TRIM67: variants seen among roughly 807,000 people sequenced by gnomAD.
The protein encoded by TRIM67 is tripartite motif-containing protein 67.
In TRIM67, 39 loss-of-function variants were observed where a neutral mutation model predicts 71.0. The ratio of observed to expected loss-of-function variants is 0.55; its 90% confidence interval spans 0.43 to 0.72. The LOEUF (loss-of-function observed/expected upper bound fraction) is 0.72. TRIM67 is among the 30% of genes least tolerant of loss of function. The probability of loss-of-function intolerance (pLI) is 0.00; values close to 1 mark genes in which losing one functional copy is unlikely to be tolerated. For missense variants in TRIM67, 973 were observed against 1,079.2 expected (o/e 0.90, Z 1.38); for synonymous variants, 481 against 473.9 (o/e 1.01, Z -0.19).
chr1:231,204,048 G>A, intron 6 of TRIM67, 36 bp downstream of exon 6: 2 of 1,610,664 alleles, frequency 1.2e-6, no homozygotes, highest in East Asian at 2.2e-5. Flanking sequence ...GGGATTGAGG[G>A]TACCAATGCA....
intron 1 of TRIM67, among the ~76,000 whole-genome samples, chr1:231,193,071 G>A (rs115635004): frequency 6.6e-6 from 1 of 152,188 alleles, no homozygotes; most frequent in African/African-American, 2.4e-5. Flanking sequence ...CTGGGCAGAT[G>A]GTGCGTGACC....
At position 231,217,841 on chromosome 1, in the gene TRIM67, G is replaced by A. The variant is rs1457491744; in HGVS notation, c.*2401G>A. 7.8e-7 allele frequency: 1 copy of A among 1,289,726 alleles called. No homozygotes were observed. The highest frequency in any genetic ancestry group is 1.5e-5 in the African/African-American group (1 of 65,990). 79.9% of individuals were successfully genotyped at this position (1,289,726 alleles called of 1,614,324 possible). A position where few individuals can be genotyped will look rare whatever the true frequency, so the allele number is the denominator to read the frequency against. ...CCAGGTCAGGAGAGAAGTGGAAAGT[G>A]CAGGAGGGTAATGCCCTCAAATCCG... is the stretch of plus-strand genomic sequence containing the variant. On this transcript the variant is annotated 3_prime_UTR_variant, in exon 10 of 10. Coordinates refer to ENST00000366653, the MANE Select transcript of TRIM67 (RefSeq NM_001004342.5).
At chr1:231,203,152 T>TA (rs3215760) in intron 5 of TRIM67, among the ~76,000 whole-genome samples, 11,294 of 150,876 alleles carry the variant, frequency 0.075, 649 homozygotes, top group East Asian at 0.23. Context: ...CCCTTAAAAA[T>TA]AAAAAAAAAG....
chr1:231,207,001 C>A (rs970748255), intron 7 of TRIM67, among the ~76,000 whole-genome samples: 2 of 152,262 alleles, frequency 1.3e-5, no homozygotes, highest in South Asian at 4.2e-4. Context: ...CATTTCATCC[C>A]GTGGACCAGG....
intron 1 of TRIM67, among the ~76,000 whole-genome samples, chr1:231,165,355 G>GA (rs1323622272): frequency 1.3e-5 from 2 of 152,200 alleles, no homozygotes; most frequent in Admixed American, 6.5e-5. Context: ...AAACCCATTG[G>GA]AAAAAAATAC....
intron 1 of TRIM67, among the ~76,000 whole-genome samples, chr1:231,164,304 A>G (rs1404246293): frequency 6.6e-6 from 1 of 152,210 alleles, no homozygotes; most frequent in East Asian, 1.9e-4. Flanking sequence ...CAAAACGCAG[A>G]CACAGGGCTC....
chr1:231,163,230 C>A lies in TRIM67; in HGVS notation c.261C>A (p.Gly87=). 1 of 1,495,716 alleles carries A rather than the reference C, an allele frequency of 6.7e-7. No homozygotes were observed. The highest frequency in any genetic ancestry group is 8.9e-7 in the Non-Finnish European group (1 of 1,122,826). 92.7% of individuals were successfully genotyped at this position (1,495,716 alleles called of 1,614,324 possible). A position where few individuals can be genotyped will look rare whatever the true frequency, so the allele number is the denominator to read the frequency against. ...CGGAGGSAAG[G]LGGGAGGGGD... is the part of the protein sequence containing the mutation. ...GTGCAGGCGGGAGTGCAGCTGGCGG[C>A]CTCGGCGGCGGTGCGGGAGGTGGCG... Residue 87 remains glycine, a synonymous_variant, in exon 1 of 10, where the codon GGC becomes GGA. Transcript: ENST00000366653.
chr1:231,216,744 C>T lies in TRIM67; in HGVS notation c.*1304C>T. 1.0e-6 allele frequency: 1 copy of T among 985,450 alleles called. No homozygotes were observed. The highest frequency in any genetic ancestry group is 1.2e-6 in the Non-Finnish European group (1 of 829,946). The allele number at this position is 985,450 out of a possible 1,614,324, so 61.0% of individuals were successfully genotyped here. Reference sequence around the variant, plus strand: ...TGCCAGGGCAGGACTCTGGAAACACCAGGCTTCTCCCTTGAGATCCACATT... The same window carrying T: ...TGCCAGGGCAGGACTCTGGAAACACTAGGCTTCTCCCTTGAGATCCACATT... On this transcript the variant is annotated 3_prime_UTR_variant, in exon 10 of 10. Transcript: ENST00000366653.
Position 231,163,502 on chromosome 1 carries a change from G to T in TRIM67, c.533G>T (p.Arg178Leu). Reference protein sequence around the residue: ...LDHRGLRGFQRNRLLEAIVQR... With the variant: ...LDHRGLRGFQLNRLLEAIVQR... ...CACCGCGGCCTGCGCGGCTTCCAGCGCAACCGGCTGCTCGAGGCCATCGTG... is the reference window on the plus strand; with the variant it reads ...CACCGCGGCCTGCGCGGCTTCCAGCTCAACCGGCTGCTCGAGGCCATCGTG... The change falls in exon 1 of 10, where the codon CGC (arginine) becomes CTC (leucine). Residue 178 changes from arginine (R) to leucine (L), a missense_variant. By Grantham distance (102) the Arg-to-Leu change is moderately radical. Coordinates refer to ENST00000366653, the MANE Select transcript of TRIM67 (RefSeq NM_001004342.5). The T allele has an allele frequency of 6.6e-7, 1 of 1,518,840 alleles. No individual in the cohort carries two copies. The highest frequency in any genetic ancestry group is 1.8e-4 in the Middle Eastern group (1 of 5,530). The allele number at this position is 1,518,840 out of a possible 1,614,324, so 94.1% of individuals were successfully genotyped here. A position where few individuals can be genotyped will look rare whatever the true frequency, so the allele number is the denominator to read the frequency against.
chr1:231,179,288 T>C (rs1423907012), intron 1 of TRIM67, among the ~76,000 whole-genome samples: 4 of 152,260 alleles, frequency 2.6e-5, no homozygotes, highest in Admixed American at 6.5e-5. Flanking sequence ...CATGCATGTA[T>C]GTGTTCAAAT....
Position 231,215,642 on chromosome 1 carries a change from AG to A in TRIM67, c.*203del. On this transcript the variant is annotated 3_prime_UTR_variant, in exon 10 of 10. Coordinates refer to ENST00000366653, the MANE Select transcript of TRIM67 (RefSeq NM_001004342.5). ...GGCCATGCTCACAGCTGCCACTGTC[AG>A]TGGCAAAGGAAGGTACGTGTGTCAC... 7.5e-7 allele frequency: 1 copy of A among 1,340,956 alleles called. No homozygotes were observed. The highest frequency in any genetic ancestry group is 9.6e-7 in the Non-Finnish European group (1 of 1,044,482). The allele number at this position is 1,340,956 out of a possible 1,614,324, so 83.1% of individuals were successfully genotyped here. A position where few individuals can be genotyped will look rare whatever the true frequency, so the allele number is the denominator to read the frequency against.
At chr1:231,178,041 A>G (rs1279431493) in intron 1 of TRIM67, among the ~76,000 whole-genome samples, 1 of 152,210 alleles carries the variant, frequency 6.6e-6, no homozygotes, top group Non-Finnish European at 1.5e-5. Context: ...GGAAAATGAG[A>G]AGAGGAGGAA....
intron 5 of TRIM67, among the ~76,000 whole-genome samples, chr1:231,202,251 AGAAGGAGGAGGTGGTGGC>A: frequency 6.6e-4 from 2 of 3,022 alleles, no homozygotes; most frequent in African/African-American, 1.0e-3. Context: ...GGGGTAGTGG[AGAAGGAGGAGGTGGTGGC>A]GGAGGAGGAG....
In TRIM67 at chr1:231,214,879, C is replaced by T. The variant is rs371449978; in HGVS notation, c.2287-496C>T. ...CTTTGGGAGGCCATGGCAGGAGAATCGCTTGAGCCCAGAAGTTTGAGACCA... is the reference window on the plus strand; with the variant it reads ...CTTTGGGAGGCCATGGCAGGAGAATTGCTTGAGCCCAGAAGTTTGAGACCA... On this transcript the variant is annotated intron_variant, in intron 9 of 9. Transcript: ENST00000366653. Among the ~76,000 whole-genome samples, 54 of 151,948 alleles carry T rather than the reference C, an allele frequency of 3.6e-4. 1 individual carries two copies. In the East Asian group the frequency reaches 5.8e-3, roughly 16 times the overall value.
At chr1:231,206,627 G>GGT in intron 6 of TRIM67, 25 bp from the exon 7 acceptor site, 1 of 1,545,816 alleles carries the variant, frequency 6.5e-7, no homozygotes, top group Non-Finnish European at 8.7e-7. Flanking sequence ...AGAGGAGCCT[G>GGT]GTGAGCAGCA....
At position 231,162,811 on chromosome 1, in the gene TRIM67, G is replaced by C; in HGVS notation, c.-159G>C. Reference sequence around the variant, plus strand: ...ATCTTAGGGCGGTGGCTACAGGACAGAGAGAGGGGCGTGCCCCTCGGCTGT... The same window carrying C: ...ATCTTAGGGCGGTGGCTACAGGACACAGAGAGGGGCGTGCCCCTCGGCTGT... On this transcript the variant is annotated 5_prime_UTR_variant, in exon 1 of 10. Coordinates refer to ENST00000366653, the MANE Select transcript of TRIM67 (RefSeq NM_001004342.5). 1 of 924,408 alleles carries C rather than the reference G, an allele frequency of 1.1e-6. No homozygotes were observed. 57.3% of individuals were successfully genotyped at this position (924,408 alleles called of 1,614,324 possible). A position where few individuals can be genotyped will look rare whatever the true frequency, so the allele number is the denominator to read the frequency against.
intron 5 of TRIM67, 36 bp downstream of exon 5, chr1:231,201,553 C>A (rs369361078): frequency 1.6e-5 from 25 of 1,602,978 alleles, no homozygotes; most frequent in African/African-American, 2.7e-5. Flanking sequence ...GTCAGTGCTT[C>A]TTTCAAAAGA....
In TRIM67 at chr1:231,201,481, A is replaced by G. The variant is rs999247753; in HGVS notation, c.1498A>G (p.Ile500Val). The change falls in exon 5 of 10, where the codon ATC becomes GTC. Residue 500 changes from isoleucine to valine, a missense_variant. Ile to Val is a conservative substitution (Grantham distance 29). This residue lies in a region of TRIM67 where 795 missense variants were observed against 831.3 expected (regional missense o/e 0.96). Transcript: ENST00000366653. ...TLDSEPLLQA[I>V]HQLDFIQMKC... ...GGACAGCGAGCCGCTGCTGCAGGCCATCCACCAGCTGGACTTCATTCAGAT... is the reference window on the plus strand; with the variant it reads ...GGACAGCGAGCCGCTGCTGCAGGCCGTCCACCAGCTGGACTTCATTCAGAT... The G allele has an allele frequency of 3.7e-6, 6 of 1,613,852 alleles. No homozygotes were observed. Among genetic ancestry groups the G allele is most frequent in the Middle Eastern group, 1.6e-4 (1 of 6,084 alleles).
rs1488530876 is a variant in TRIM67, at chr1:231,219,635, T to C, written c.*4195T>C. The C allele has an allele frequency of 8.7e-7, 1 of 1,147,070 alleles. No homozygotes were observed. Among genetic ancestry groups the C allele is most frequent in the African/African-American group, 1.6e-5 (1 of 61,270 alleles). 71.1% of individuals were successfully genotyped at this position (1,147,070 alleles called of 1,614,324 possible). Reference sequence around the variant, plus strand: ...AGAAAGCAAAACTCGTTACCTTTGTTTTCCTTGGCCACATTTTACTGGAAG... The same window carrying C: ...AGAAAGCAAAACTCGTTACCTTTGTCTTCCTTGGCCACATTTTACTGGAAG... On this transcript the variant is annotated 3_prime_UTR_variant, in exon 10 of 10. Coordinates refer to ENST00000366653, the MANE Select transcript of TRIM67 (RefSeq NM_001004342.5).
Sources: allele counts gnomAD v4.1 joint callset (sites outside exome capture counted in the v4.1 genomes callset), GRCh38; gene constraint gnomAD v4.1.1; regional missense constraint gnomAD v4.1.1; transcripts MANE v1.5; gene names NCBI Gene and HGNC (gene_info 2026-07-23, HGNC 2026-07-21).